Variants in PRKCE observed in about 807,000 individuals in gnomAD.
PRKCE encodes protein kinase C epsilon type.
A neutral mutation model predicts 85.4 loss-of-function variants in PRKCE; 16 were observed. That is an observed-to-expected ratio of 0.19 (90% CI 0.13 to 0.28). The LOEUF (loss-of-function observed/expected upper bound fraction) is 0.28. Among genes scored for constraint, PRKCE ranks in the 10% least tolerant of loss-of-function variants. The probability of loss-of-function intolerance (pLI) is 1.00; values close to 1 mark genes in which losing one functional copy is unlikely to be tolerated. For missense variants in PRKCE, 573 were observed against 975.2 expected, an observed-to-expected ratio of 0.59 and a Z score of 5.49; for synonymous variants, 388 against 371.5, an observed-to-expected ratio of 1.04 and a Z score of -0.51.
Position 45,869,706 on chromosome 2 carries a change from C to CTTTT in PRKCE, c.412+26659_412+26662dup, listed in dbSNP as rs71394860. ...TGTTTTTGTTTTTGTTTCTCTCTCT[C>CTTTT]TTTTTTTTTTTTTTTTTTTGAGTTG... On this transcript the variant is annotated intron_variant, in intron 2 of 14. Coordinates refer to ENST00000306156, the MANE Select transcript of PRKCE (RefSeq NM_005400.3). Among the ~76,000 whole-genome samples, 945 of 109,198 alleles carry CTTTT rather than the reference C, an allele frequency of 8.7e-3. 19 individuals are homozygous for CTTTT. Among genetic ancestry groups the CTTTT allele is most frequent in the African/African-American group, 0.014 (418 of 29,140 alleles). 71.6% of individuals were successfully genotyped at this position (109,198 alleles called of 152,430 possible).
At chr2:46,101,735 A>G (rs1671247072) in intron 11 of PRKCE, among the ~76,000 whole-genome samples, 1 of 152,134 alleles carries the variant, frequency 6.6e-6, no homozygotes, top group Admixed American at 6.5e-5. Context: ...TGTTTTATAG[A>G]TGACTAAACT....
chr2:45,951,705 A>C (rs1700632889), intron 2 of PRKCE, among the ~76,000 whole-genome samples: 1 of 152,220 alleles, frequency 6.6e-6, no homozygotes, highest in African/African-American at 2.4e-5. Flanking sequence ...AACCACATAC[A>C]ATGAGTCTGG....
chr2:45,821,766 A>C (rs7582003), intron 1 of PRKCE, among the ~76,000 whole-genome samples: 54,089 of 151,922 alleles, frequency 0.36, 11,942 homozygotes, highest in African/African-American at 0.63. Flanking sequence ...AATGAATGTC[A>C]CCCTGGGGAC....
intron 1 of PRKCE, among the ~76,000 whole-genome samples, chr2:45,793,418 C>T (rs910024475): frequency 6.6e-6 from 1 of 152,128 alleles, no homozygotes; most frequent in African/African-American, 2.4e-5. Flanking sequence ...AAAAATTATA[C>T]CCAGACTCCC....
At position 46,145,967 on chromosome 2, in the gene PRKCE, G is replaced by A. The variant is rs1484471800; in HGVS notation, c.1731+736G>A. 1.3e-5 allele frequency among the ~76,000 whole-genome samples: 2 copies of A among 152,204 alleles called. No homozygotes were observed. The highest frequency in any genetic ancestry group is 4.8e-5 in the African/African-American group (2 of 41,446). The stretch of plus-strand genomic sequence containing the variant: ...CTACAATTTGCTAACAGTAAAACTA[G>A]GAACTGTTTGCTATTTCCTGCATAG... On this transcript the variant is annotated intron_variant, in intron 12 of 14. Transcript: ENST00000306156. This position sits in a 1 kb window ranked among gnomAD's most constrained non-coding sequence, Gnocchi z 4.6.
intron 2 of PRKCE, among the ~76,000 whole-genome samples, chr2:45,882,984 C>T (rs988198426): frequency 1.3e-5 from 2 of 152,380 alleles, no homozygotes; most frequent in South Asian, 2.1e-4. Context: ...AAACCACACT[C>T]CCCGCAGCAA....
chr2:46,115,012 G>A (rs1456492273), intron 11 of PRKCE, among the ~76,000 whole-genome samples: 2 of 152,170 alleles, frequency 1.3e-5, no homozygotes, highest in South Asian at 2.1e-4. Flanking sequence ...GACATACCAG[G>A]ACAGTCCCAT....
At chr2:46,104,462 G>A (rs957113835) in intron 11 of PRKCE, among the ~76,000 whole-genome samples, 7 of 151,970 alleles carry the variant, frequency 4.6e-5, no homozygotes, top group African/African-American at 1.5e-4. Flanking sequence ...AACAAGGATG[G>A]CATCTTCAGT....
At chr2:45,993,558 G>C (rs1323904437) in intron 6 of PRKCE, among the ~76,000 whole-genome samples, 1 of 152,190 alleles carries the variant, frequency 6.6e-6, no homozygotes, top group Non-Finnish European at 1.5e-5. Context: ...AAGTTGTTTT[G>C]TCAGGACAGA....
intron 10 of PRKCE, among the ~76,000 whole-genome samples, chr2:46,031,591 CGTGTGTGTGTGTGTGTGTGTGT>C (rs58684318): frequency 2.1e-5 from 3 of 144,028 alleles, no homozygotes; most frequent in African/African-American, 5.2e-5. Context: ...ACATTCTGCT[CGTGTGTGTGTGTGTGTGTGTGT>C]GTGTGTGTGT....
chr2:45,927,937 G>A (rs561485294), intron 2 of PRKCE, among the ~76,000 whole-genome samples: 3 of 152,024 alleles, frequency 2.0e-5, no homozygotes, highest in African/African-American at 7.3e-5. Context: ...AGGAGAGGGT[G>A]GGGGGGCCTG....
chr2:45,868,957 CAAAAAAAAA>C (rs58698207), intron 2 of PRKCE, among the ~76,000 whole-genome samples: 5 of 112,090 alleles, frequency 4.5e-5, no homozygotes, highest in African/African-American at 1.7e-4. Context: ...CATCCTGTCT[CAAAAAAAAA>C]AAAAAAAGAA....
At chr2:45,689,745 G>A (rs13386040) in intron 1 of PRKCE, among the ~76,000 whole-genome samples, 44,373 of 151,374 alleles carry the variant, frequency 0.29, 8,985 homozygotes, top group African/African-American at 0.58. Context: ...AAAATACAAA[G>A]ATTAGCCAGG....
At position 45,652,325 on chromosome 2, in the gene PRKCE, C is replaced by T. The variant is rs377668400; in HGVS notation, c.225C>T (p.Asn75=). Residue 75 remains asparagine (N), a synonymous_variant, in exon 1 of 15, where the codon AAC becomes AAT. Transcript: ENST00000306156. This position sits in a 1 kb window ranked among gnomAD's most constrained non-coding sequence, Gnocchi z 7.7. The part of the protein sequence containing the change: ...WHDEFVTDVC[N]GRKIELAVFH... ...ACGAGTTCGTCACCGATGTGTGCAA[C>T]GGACGCAAGATCGAGCTGGCTGTCT... 1.6e-4 allele frequency: 255 copies of T among 1,613,640 alleles called. No homozygotes were observed. Among genetic ancestry groups the T allele is most frequent in the Non-Finnish European group, 2.1e-4 (250 of 1,180,028 alleles).
intron 2 of PRKCE, among the ~76,000 whole-genome samples, chr2:45,953,610 G>A (rs72802837): frequency 0.11 from 17,354 of 152,194 alleles, 1,280 homozygotes; most frequent in South Asian, 0.28. Context: ...TGATCAGTGC[G>A]GTTGTCCCTC....
intron 1 of PRKCE, among the ~76,000 whole-genome samples, chr2:45,717,354 C>T (rs1210982328): frequency 6.6e-6 from 1 of 152,150 alleles, no homozygotes; most frequent in Non-Finnish European, 1.5e-5. Context: ...GTCTTCTTAC[C>T]CCCTCTCTCT....
At chr2:46,101,782 C>T (rs977086538) in intron 11 of PRKCE, among the ~76,000 whole-genome samples, 29 of 147,734 alleles carry the variant, frequency 2.0e-4, no homozygotes, top group African/African-American at 6.3e-4. Context: ...CGAGGACACT[C>T]GGTCTCATAG....
chr2:46,134,280 C>T (rs771425882), intron 11 of PRKCE, among the ~76,000 whole-genome samples: 110 of 152,178 alleles, frequency 7.2e-4, no homozygotes, highest in African/African-American at 2.5e-3. Context: ...TGGAATGGTC[C>T]CTTGTGGAGG....
intron 1 of PRKCE, among the ~76,000 whole-genome samples, chr2:45,729,922 C>G (rs188722398): frequency 6.6e-4 from 100 of 152,252 alleles, no homozygotes; most frequent in Non-Finnish European, 1.2e-3. Flanking sequence ...AGGAACAGAT[C>G]AGCATGGAGG....
Sources: gnomAD v4.1 joint callset for allele counts (sites outside exome capture counted in the v4.1 genomes callset) on GRCh38, gnomAD v4.1.1 for gene constraint, Gnocchi (gnomAD v3.1) non-coding constraint, MANE v1.5 for transcripts, NCBI Gene and HGNC (gene_info 2026-07-23, HGNC 2026-07-21) for gene names.